The following ZNF215 variants were observed in gnomAD, a reference collection of about 807,000 sequenced individuals.
ZNF215 encodes the protein BWSCR2-associated zinc finger protein 2.
ZNF215 carries 24 observed loss-of-function variants against 27.2 expected under a neutral mutation model. The observed-to-expected ratio is 0.88, with a 90% CI of 0.64 to 1.24. The LOEUF is 1.24. Ranked by LOEUF, ZNF215 falls within the 50% of genes most tolerant of loss-of-function variation. The pLI, the probability that ZNF215 is intolerant of heterozygous loss-of-function variation, is 0.00. For synonymous variants in ZNF215, 210 were observed against 204.0 expected, an observed-to-expected ratio of 1.03 and a Z score of -0.25; for missense variants, 675 against 605.7, an observed-to-expected ratio of 1.11 and a Z score of -1.20.
downstream of ZNF215, among the ~76,000 whole-genome samples, chr11:6,989,319 C>A (rs563263290): frequency 6.6e-6 from 1 of 152,116 alleles, no homozygotes; most frequent in Non-Finnish European, 1.5e-5. Flanking sequence ...TTCTTTCTAG[C>A]CACGTTTATG....
chr11:6,960,735 T>G (rs191562136), downstream of ZNF215, among the ~76,000 whole-genome samples: 1 of 152,280 alleles, frequency 6.6e-6, no homozygotes, highest in African/African-American at 2.4e-5. Context: ...ATTAAATGAT[T>G]AAGAGCAAGA....
At chr11:6,985,027 G>A (rs1851032256), downstream of ZNF215, among the ~76,000 whole-genome samples, 3 of 152,036 alleles carry the variant, frequency 2.0e-5, no homozygotes, top group South Asian at 6.2e-4. Flanking sequence ...TGAGGAGGGG[G>A]GCTCCTCTAT....
intron 5 of ZNF215, among the ~76,000 whole-genome samples, chr11:6,977,401 A>G (rs542717002): frequency 3.9e-5 from 6 of 152,152 alleles, no homozygotes; most frequent in African/African-American, 1.2e-4. Context: ...ATTTTTTAAA[A>G]TATAGATGTA....
At chr11:6,928,267 G>C (rs564073882) in intron 2 of ZNF215, among the ~76,000 whole-genome samples, 6 of 152,180 alleles carry the variant, frequency 3.9e-5, no homozygotes, top group African/African-American at 1.4e-4. Flanking sequence ...ATTAGGCTAA[G>C]CATATTATTT....
downstream of ZNF215, among the ~76,000 whole-genome samples, chr11:6,987,330 TG>T (rs1851069304): frequency 6.6e-6 from 1 of 151,980 alleles, no homozygotes; most frequent in Non-Finnish European, 1.5e-5. Flanking sequence ...TGGGTACACA[TG>T]ATCATAAAAA....
Position 6,956,341 on chromosome 11 carries a change from T to G in ZNF215, c.1364T>G (p.Leu455Arg). 1.2e-6 allele frequency: 2 copies of G among 1,614,114 alleles called. No homozygotes were observed. Among genetic ancestry groups the G allele is most frequent in the Non-Finnish European group, 1.7e-6 (2 of 1,180,006 alleles). Residue 455 changes from leucine to arginine, a missense_variant, in exon 7 of 7, where the codon CTC becomes CGC. By Grantham distance (102) the Leu-to-Arg change is moderately radical (BLOSUM62 -2). Transcript: ENST00000278319. ...AGTGAAGACAGTAATAATCCAACAC[T>G]CCATTTTGGAAACAATTTCTATCAA... The part of the protein sequence containing the change: ...SKSEDSNNPT[L>R]HFGNNFYQCV...
At chr11:6,950,742 T>C (rs1850021874) in intron 6 of ZNF215, among the ~76,000 whole-genome samples, 1 of 150,210 alleles carries the variant, frequency 6.7e-6, no homozygotes, top group African/African-American at 2.5e-5. Context: ...CCTGCCTGAT[T>C]GCCCTGGCCA....
chr11:6,961,606 GT>G (rs1292086379), downstream of ZNF215, among the ~76,000 whole-genome samples: 1 of 152,076 alleles, frequency 6.6e-6, no homozygotes, highest in Non-Finnish European at 1.5e-5. Context: ...GTTGAGTAGG[GT>G]TTGATTGTCA....
chr11:6,928,100 A>C (rs1849124869), intron 2 of ZNF215, among the ~76,000 whole-genome samples: 1 of 151,910 alleles, frequency 6.6e-6, no homozygotes, highest in African/African-American at 2.4e-5. Flanking sequence ...ATGTGGTGTT[A>C]ATTTCTGGTT....
chr11:6,976,929 G>A (rs1395267575), intron 5 of ZNF215, among the ~76,000 whole-genome samples: 1 of 152,052 alleles, frequency 6.6e-6, no homozygotes, highest in Non-Finnish European at 1.5e-5. Context: ...AAGTCAAGAT[G>A]TTGGCAGCAT....
Position 6,932,674 on chromosome 11 carries a change from T to G in ZNF215, c.400+2T>G. ...TGATTGAAATGCTTGAAGATGAAGG[T>G]AAGAATATAAAGAAATTAGAGGTAA... On this transcript the variant is annotated splice_donor_variant, in intron 3 of 6. Coordinates refer to ENST00000278319, the MANE Select transcript of ZNF215 (RefSeq NM_013250.4). LOFTEE classifies it high-confidence loss of function. 3.1e-6 allele frequency: 5 copies of G among 1,596,782 alleles called. No homozygotes were observed. The highest frequency in any genetic ancestry group is 4.3e-6 in the Non-Finnish European group (5 of 1,172,670).
chr11:6,930,867 CTA>C (rs1489257875), intron 2 of ZNF215, among the ~76,000 whole-genome samples: 1 of 152,218 alleles, frequency 6.6e-6, no homozygotes, highest in African/African-American at 2.4e-5. Context: ...ACTCATGTAT[CTA>C]TGACTCCAAA....
chr11:6,962,696 G>C (rs1318196388), downstream of ZNF215, among the ~76,000 whole-genome samples: 1 of 151,996 alleles, frequency 6.6e-6, no homozygotes, highest in South Asian at 2.1e-4. Flanking sequence ...ACATCTGTTG[G>C]GATTTGTTAC....
downstream of ZNF215, among the ~76,000 whole-genome samples, chr11:6,960,345 A>C (rs1304576779): frequency 6.6e-6 from 1 of 152,188 alleles, no homozygotes; most frequent in East Asian, 1.9e-4. Context: ...TATGAGCTCC[A>C]AAGAGTGACA....
chr11:6,973,909 T>C (rs2133340184), intron 5 of ZNF215, among the ~76,000 whole-genome samples: 1 of 152,314 alleles, frequency 6.6e-6, no homozygotes, highest in African/African-American at 2.4e-5. Flanking sequence ...TTAGATCCCA[T>C]TTGTCAATTT....
At chr11:6,980,604 C>A (rs1332392962) in intron 5 of ZNF215, among the ~76,000 whole-genome samples, 1 of 131,804 alleles carries the variant, frequency 7.6e-6, no homozygotes, top group African/African-American at 3.1e-5. Flanking sequence ...TCTTAGTTTA[C>A]TTTTTATTAT....
chr11:6,986,695 C>A (rs1206818559), downstream of ZNF215, among the ~76,000 whole-genome samples: 2 of 151,300 alleles, frequency 1.3e-5, no homozygotes, highest in African/African-American at 2.5e-5. Context: ...GAGCAAAGGA[C>A]ATGAACAGAC....
Position 6,956,216 on chromosome 11 carries a change from G to T in ZNF215, c.1239G>T (p.Gly413=), listed in dbSNP as rs778973367. Residue 413 remains glycine, a synonymous_variant, in exon 7 of 7, where the codon GGG becomes GGT. Coordinates refer to ENST00000278319, the MANE Select transcript of ZNF215 (RefSeq NM_013250.4). The part of the protein sequence containing the change: ...GEKPYKCSEC[G]RFFNRRTNLT... The stretch of plus-strand genomic sequence containing the variant: ...AACCCTATAAATGCAGTGAATGTGG[G>T]AGATTCTTCAACCGACGTACAAACC... 4 of 1,612,978 alleles carry T rather than the reference G, an allele frequency of 2.5e-6. No homozygotes were observed. Among genetic ancestry groups the T allele is most frequent in the African/African-American group, 1.3e-5 (1 of 74,900 alleles).
intron 3 of ZNF215, among the ~76,000 whole-genome samples, chr11:6,933,248 A>G (rs530844998): frequency 1.3e-5 from 2 of 152,352 alleles, no homozygotes; most frequent in Admixed American, 1.3e-4. Flanking sequence ...AAACGTATAA[A>G]TAGGATACCT....
Sources: allele counts gnomAD v4.1 joint callset (sites outside exome capture counted in the v4.1 genomes callset), GRCh38; gene constraint gnomAD v4.1.1; transcripts MANE v1.5; gene names NCBI Gene and HGNC (gene_info 2026-07-23, HGNC 2026-07-21).